The following INPP4B variants were observed in gnomAD, a reference collection of about 807,000 sequenced individuals.
INPP4B encodes inositol polyphosphate 4-phosphatase type II.
Under a neutral mutation model 122.5 loss-of-function variants are expected in INPP4B, and 55 were observed. That is an observed-to-expected ratio of 0.45 (90% confidence interval 0.36 to 0.56). The LOEUF (loss-of-function observed/expected upper bound fraction) is 0.56. INPP4B is among the 20% of genes least tolerant of loss of function. The pLI is 0.00. For missense variants in INPP4B, 1,000 were observed against 1,097.7 expected (o/e 0.91, Z 1.26); for synonymous variants, 403 against 388.7 (o/e 1.04, Z -0.43).
At chr4:142,473,602 C>G (rs1412868219) in intron 2 of INPP4B, among the ~76,000 whole-genome samples, 1 of 152,222 alleles carries the variant, frequency 6.6e-6, no homozygotes, top group African/African-American at 2.4e-5. Context: ...ATAGCCCCAA[C>G]AGAGGTCGCA....
intron 2 of INPP4B, among the ~76,000 whole-genome samples, chr4:142,488,869 T>C (rs796234568): frequency 1.3e-5 from 2 of 152,166 alleles, no homozygotes; most frequent in African/African-American, 4.8e-5. Flanking sequence ...TTGATTACAG[T>C]ATTTATTATT....
intron 1 of INPP4B, among the ~76,000 whole-genome samples, chr4:142,785,368 G>T (rs955572418): frequency 6.6e-6 from 1 of 151,850 alleles, no homozygotes; most frequent in African/African-American, 2.4e-5. Context: ...AGATAAAACA[G>T]TTTAGAATTA....
At chr4:142,296,094 G>C (rs1758572846) in intron 9 of INPP4B, among the ~76,000 whole-genome samples, 1 of 152,124 alleles carries the variant, frequency 6.6e-6, no homozygotes, top group East Asian at 1.9e-4. Flanking sequence ...AAAAGGAAAG[G>C]TTTCAGGCTT....
At chr4:142,697,075 T>A (rs1761132130) in intron 2 of INPP4B, among the ~76,000 whole-genome samples, 1 of 152,204 alleles carries the variant, frequency 6.6e-6, no homozygotes, top group South Asian at 2.1e-4. Context: ...TAAAAATTCT[T>A]ACAATCATAT....
intron 18 of INPP4B, among the ~76,000 whole-genome samples, chr4:142,137,165 T>C (rs906950033): frequency 1.3e-5 from 2 of 152,142 alleles, no homozygotes; most frequent in African/African-American, 4.8e-5. Flanking sequence ...CAAAACAGCA[T>C]GATACTGGTA....
intron 2 of INPP4B, among the ~76,000 whole-genome samples, chr4:142,618,929 A>G (rs1024150912): frequency 3.3e-5 from 5 of 152,096 alleles, no homozygotes. Context: ...TATGCAAATG[A>G]CTTGAATATA....
At chr4:142,054,293 A>G (rs1756350278) in intron 25 of INPP4B, among the ~76,000 whole-genome samples, 1 of 151,360 alleles carries the variant, frequency 6.6e-6, no homozygotes, top group Admixed American at 6.6e-5. Context: ...AAGTGACTTT[A>G]GCATCTGGAA....
At chr4:142,402,751 T>A (rs373164303) in intron 7 of INPP4B, among the ~76,000 whole-genome samples, 187 bp downstream of exon 7, 12 of 152,246 alleles carry the variant, frequency 7.9e-5, no homozygotes, top group African/African-American at 2.9e-4. Flanking sequence ...AAACTTTTGC[T>A]CCTAACCAAT....
At chr4:142,114,712 G>C (rs1478441012) in intron 21 of INPP4B, among the ~76,000 whole-genome samples, 1 of 151,764 alleles carries the variant, frequency 6.6e-6, no homozygotes, top group Non-Finnish European at 1.5e-5. Context: ...CTAATCTGTG[G>C]CTTGTCTTTT....
intron 1 of INPP4B, among the ~76,000 whole-genome samples, chr4:142,775,055 T>C (rs1422931029): frequency 6.6e-6 from 1 of 152,070 alleles, no homozygotes; most frequent in Non-Finnish European, 1.5e-5. Flanking sequence ...TCAACAGAAA[T>C]TTGTCTGATG....
At chr4:142,037,562 G>T (rs763401711) in intron 25 of INPP4B, among the ~76,000 whole-genome samples, 54 of 152,096 alleles carry the variant, frequency 3.6e-4, no homozygotes, top group Non-Finnish European at 5.0e-4. Flanking sequence ...CTTTCCTTCT[G>T]ACCACCAACC....
At chr4:142,263,093 G>A (rs893754414) in intron 10 of INPP4B, among the ~76,000 whole-genome samples, 1 of 152,094 alleles carries the variant, frequency 6.6e-6, no homozygotes, top group African/African-American at 2.4e-5. Context: ...GTAAGGCAGG[G>A]GCTGAACTAA....
chr4:142,236,633 T>C (rs1025743287), intron 12 of INPP4B, among the ~76,000 whole-genome samples: 2 of 152,202 alleles, frequency 1.3e-5, no homozygotes, highest in African/African-American at 4.8e-5. Context: ...TATATTTTAA[T>C]AATCCAGTTT....
intron 2 of INPP4B, among the ~76,000 whole-genome samples, chr4:142,633,177 G>A (rs1055158727): frequency 2.4e-4 from 37 of 151,606 alleles, no homozygotes; most frequent in Non-Finnish European, 7.4e-5. Context: ...ACAACAAAAG[G>A]TTTAATTCAC....
At chr4:142,228,842 TC>T (rs1289706775) in intron 12 of INPP4B, among the ~76,000 whole-genome samples, 1 of 151,854 alleles carries the variant, frequency 6.6e-6, no homozygotes, top group Non-Finnish European at 1.5e-5. Flanking sequence ...TATCCCAGTT[TC>T]CACATAAGCA....
At chr4:142,077,385 C>T (rs1192666267) in intron 25 of INPP4B, among the ~76,000 whole-genome samples, 2 of 151,702 alleles carry the variant, frequency 1.3e-5, no homozygotes, top group African/African-American at 4.8e-5. Flanking sequence ...TCCTAGAGTT[C>T]CTGTTAAGGA....
At chr4:142,079,722 C>T (rs768463125) in intron 25 of INPP4B, among the ~76,000 whole-genome samples, 2 of 151,944 alleles carry the variant, frequency 1.3e-5, no homozygotes, top group Non-Finnish European at 2.9e-5. Flanking sequence ...ATAATTAACA[C>T]AGCATTTGCA....
Position 142,028,690 on chromosome 4 carries a change from T to C in INPP4B, c.*92A>G, listed in dbSNP as rs1737816479. On this transcript the variant is annotated 3_prime_UTR_variant, in exon 26 of 26. Coordinates refer to ENST00000262992, the MANE Select transcript of INPP4B (RefSeq NM_001101669.3). ...CTGTGATCATCTCCCCCACCACAAA[T>C]TCATGACAATAAAAACAAACAAAAA... is the stretch of plus-strand genomic sequence containing the variant. 13 of 1,365,938 alleles carry C rather than the reference T, an allele frequency of 9.5e-6. No homozygotes were observed. The highest frequency in any genetic ancestry group is 1.3e-5 in the Non-Finnish European group (13 of 998,410). 84.6% of individuals were successfully genotyped at this position (1,365,938 alleles called of 1,614,324 possible). A position where few individuals can be genotyped will look rare whatever the true frequency, so the allele number is the denominator to read the frequency against.
intron 10 of INPP4B, among the ~76,000 whole-genome samples, chr4:142,263,444 A>G (rs1488917697): frequency 1.3e-5 from 2 of 151,806 alleles, no homozygotes; most frequent in African/African-American, 4.8e-5. Context: ...ACGCAGCCAC[A>G]TATTCTGTCT....
Sources: allele counts gnomAD v4.1 joint callset (sites outside exome capture counted in the v4.1 genomes callset), GRCh38; gene constraint gnomAD v4.1.1; transcripts MANE v1.5; gene names NCBI Gene and HGNC (gene_info 2026-07-23, HGNC 2026-07-21).